DLG1: variants seen among roughly 807,000 people sequenced by gnomAD.
DLG1 encodes discs large MAGUK scaffold protein 1, also known as disks large homolog 1.
In DLG1, 42 loss-of-function variants were observed where a neutral mutation model predicts 123.4. That is an observed-to-expected ratio of 0.34 (90% CI 0.27 to 0.44). The LOEUF (loss-of-function observed/expected upper bound fraction) is 0.44. Among genes scored for constraint, DLG1 ranks in the 20% least tolerant of loss-of-function variants. The pLI is 1.00. For synonymous variants in DLG1, 317 were observed against 356.2 expected, an observed-to-expected ratio of 0.89 and a Z score of 1.24; for missense variants, 942 against 1,082.6, an observed-to-expected ratio of 0.87 and a Z score of 1.82.
At chr3:197,185,541 T>C (rs1715417430) in intron 5 of DLG1, among the ~76,000 whole-genome samples, 1 of 151,908 alleles carries the variant, frequency 6.6e-6, no homozygotes, top group African/African-American at 2.4e-5. Context: ...TGTAAGAAAA[T>C]ACTAAGGGCG....
In DLG1 at chr3:197,192,779, G is replaced by A. The variant is rs139712087; in HGVS notation, c.483+1646C>T. On this transcript the variant is annotated intron_variant, in intron 5 of 24. Coordinates refer to ENST00000667157, the MANE Select transcript of DLG1 (RefSeq NM_001366207.1). ...GGTGGCAAACAGGGCAGGGACTCAA[G>A]ATAATTGTTTTTTTAAGACGGTTCT... 6.9e-3 allele frequency among the ~76,000 whole-genome samples: 1,053 copies of A among 152,162 alleles called. 6 individuals are homozygous for A. Among genetic ancestry groups the A allele is most frequent in the African/African-American group, 0.023 (969 of 41,508 alleles).
At chr3:197,226,125 A>G (rs1424754434) in intron 4 of DLG1, 3 of 152,246 alleles carry the variant, frequency 2.0e-5, no homozygotes, top group Non-Finnish European at 4.4e-5. Flanking sequence ...CCACCCCCAC[A>G]GCAGAGATCA....
rs1426491971 is a variant in DLG1, at chr3:197,194,536, T to A, written c.372A>T (p.Gln124His). The A allele has an allele frequency of 3.1e-6, 5 of 1,606,208 alleles. No individual in the cohort carries two copies. The East Asian group carries it at 9.0e-5, about 29-fold the overall frequency. ...CTGGACCTATCACTTCATTTGTGAT[T>A]TGTGGGGAAATATGCTCTTGAGGAG... ...DTPPQEHISP[Q>H]ITNEVIGPEL... Residue 124 changes from glutamine (Q) to histidine (H), a missense_variant, in exon 5 of 25, where the codon CAA becomes CAT. By Grantham distance (24) the Gln-to-His change is conservative (BLOSUM62 0). Transcript: ENST00000667157.
At chr3:197,183,643 TCTG>T in intron 5 of DLG1, 1 of 1,550,554 alleles carries the variant, frequency 6.4e-7, no homozygotes, top group Non-Finnish European at 8.7e-7. Context: ...AATGCAACTA[TCTG>T]CTGCCAGCGT....
chr3:197,146,500 C>A (rs1055079065), intron 6 of DLG1, among the ~76,000 whole-genome samples: 4 of 152,100 alleles, frequency 2.6e-5, no homozygotes, highest in East Asian at 1.9e-4. Flanking sequence ...AAGCCAAATA[C>A]TTACAGCCAC....
intron 24 of DLG1, among the ~76,000 whole-genome samples, chr3:197,045,131 T>G (rs1263903165): frequency 6.6e-6 from 1 of 151,354 alleles, no homozygotes; most frequent in Non-Finnish European, 1.5e-5. Context: ...TGGGGTAGGA[T>G]CTTGGGGGAA....
chr3:197,091,068 AAAT>A (rs1757462572), intron 14 of DLG1, 42 bp from the exon 15 acceptor site: 1 of 1,353,254 alleles, frequency 7.4e-7, no homozygotes, highest in Non-Finnish European at 1.1e-6. Flanking sequence ...TATTTTCAAA[AAAT>A]AAGTTATTTG....
chr3:197,239,775 C>T (rs556140440), intron 4 of DLG1, among the ~76,000 whole-genome samples: 4 of 148,094 alleles, frequency 2.7e-5, no homozygotes, highest in East Asian at 4.0e-4. Flanking sequence ...TATACAGAGC[C>T]GATGTTATTA....
intron 13 of DLG1, among the ~76,000 whole-genome samples, chr3:197,107,221 C>T (rs934203371): frequency 6.6e-6 from 1 of 152,054 alleles, no homozygotes; most frequent in African/African-American, 2.4e-5. Flanking sequence ...TTTAGTGGCG[C>T]TAAATAATGC....
chr3:197,292,062 G>A (rs1775204620), intron 3 of DLG1, among the ~76,000 whole-genome samples: 1 of 152,036 alleles, frequency 6.6e-6, no homozygotes, highest in African/African-American at 2.4e-5. Flanking sequence ...ATTATGGTGG[G>A]CCCTCAAAAA....
intron 4 of DLG1, among the ~76,000 whole-genome samples, chr3:197,194,856 T>C (rs1023319644): frequency 6.6e-6 from 1 of 152,166 alleles, no homozygotes; most frequent in African/African-American, 2.4e-5. Flanking sequence ...CAATGTTAAC[T>C]GAATCATGTA....
intron 13 of DLG1, among the ~76,000 whole-genome samples, chr3:197,106,687 A>C (rs1467820957): frequency 6.6e-6 from 1 of 152,184 alleles, no homozygotes; most frequent in East Asian, 1.9e-4. Context: ...AAACTCTTTT[A>C]AGAGCATAAT....
At chr3:197,164,338 G>A (rs1319333341) in intron 5 of DLG1, among the ~76,000 whole-genome samples, 8 of 151,906 alleles carry the variant, frequency 5.3e-5, no homozygotes, top group Non-Finnish European at 1.0e-4. Flanking sequence ...TGGAGGTTGC[G>A]GTGAGCCTAG....
chr3:197,065,499 C>T (rs753102548), intron 21 of DLG1, 51 bp from the exon 22 acceptor site: 5 of 1,419,034 alleles, frequency 3.5e-6, no homozygotes, highest in East Asian at 2.3e-5. Flanking sequence ...AAAAAAACCA[C>T]AATAAATCCA....
chr3:197,240,729 GA>G (rs924486810), intron 4 of DLG1, among the ~76,000 whole-genome samples: 1 of 151,602 alleles, frequency 6.6e-6, no homozygotes, highest in Non-Finnish European at 1.5e-5. Flanking sequence ...GAAAAGAAAA[GA>G]AAAAAATCAA....
chr3:197,213,165 A>T (rs1375482290), intron 4 of DLG1, among the ~76,000 whole-genome samples: 1 of 152,208 alleles, frequency 6.6e-6, no homozygotes, highest in Non-Finnish European at 1.5e-5. Context: ...TAACAATCTA[A>T]ATGTCCATCA....
chr3:197,108,913 A>G (rs1375379353), intron 13 of DLG1, among the ~76,000 whole-genome samples: 3 of 152,094 alleles, frequency 2.0e-5, no homozygotes, highest in East Asian at 1.9e-4. Context: ...TATTTGTTCT[A>G]TGTCTTTTCT....
chr3:197,295,486 A>G (rs1341475001), intron 3 of DLG1, among the ~76,000 whole-genome samples: 2 of 151,882 alleles, frequency 1.3e-5, no homozygotes, highest in African/African-American at 4.8e-5. Flanking sequence ...CTAAAACAAA[A>G]AAAAAAAACT....
chr3:197,069,139 A>T, intron 19 of DLG1, 80 bp downstream of exon 19: 3 of 913,304 alleles, frequency 3.3e-6, no homozygotes, highest in South Asian at 2.2e-5. Context: ...TTTTTATAAC[A>T]TATCACTCAG....
Sources: gnomAD v4.1 joint callset for allele counts (sites outside exome capture counted in the v4.1 genomes callset) on GRCh38, gnomAD v4.1.1 for gene constraint, MANE v1.5 for transcripts, NCBI Gene and HGNC (gene_info 2026-07-23, HGNC 2026-07-21) for gene names.